The following CRYBG1 variants were observed in gnomAD, a reference collection of about 807,000 sequenced individuals.
CRYBG1 encodes crystallin beta-gamma domain containing 1, also known as beta/gamma crystallin domain-containing protein 1.
CRYBG1 carries 139 observed loss-of-function variants against 189.2 expected under a neutral mutation model. The observed-to-expected ratio is 0.73, with a 90% confidence interval of 0.64 to 0.85. The LOEUF is 0.85. Among genes scored for constraint, CRYBG1 ranks in the 40% least tolerant of loss-of-function variants. The probability of loss-of-function intolerance (pLI) is 0.00; values close to 1 mark genes in which losing one functional copy is unlikely to be tolerated. For synonymous variants in CRYBG1, 1,023 were observed against 1,017.1 expected (o/e 1.01, Z -0.11); for missense variants, 2,611 against 2,675.8 (o/e 0.98, Z 0.53).
At chr6:106,457,217 G>T (rs2114446784) in intron 2 of CRYBG1, 1 of 152,378 alleles carries the variant, frequency 6.6e-6, no homozygotes, top group African/African-American at 2.4e-5. Flanking sequence ...TGCTGGTAGG[G>T]ACTCTCTACA....
intron 2 of CRYBG1, among the ~76,000 whole-genome samples, chr6:106,504,029 GAAAA>G (rs33971164): frequency 2.3e-5 from 2 of 88,550 alleles, no homozygotes; most frequent in Non-Finnish European, 4.5e-5. Context: ...GACAGCATTA[GAAAA>G]AAAAAAAAAA....
At chr6:106,444,620 C>T (rs1310497758) in intron 1 of CRYBG1, among the ~76,000 whole-genome samples, 2 of 152,110 alleles carry the variant, frequency 1.3e-5, no homozygotes, top group East Asian at 1.9e-4. Context: ...TGGAGTGATC[C>T]GAAATCATCA....
intron 1 of CRYBG1, among the ~76,000 whole-genome samples, chr6:106,422,444 C>T (rs1407640574): frequency 6.6e-6 from 1 of 151,830 alleles, no homozygotes; most frequent in African/African-American, 2.4e-5. Flanking sequence ...GTGATCCTGC[C>T]ACCTCAGCCT....
intron 1 of CRYBG1, among the ~76,000 whole-genome samples, chr6:106,445,880 A>G (rs2114428378): frequency 6.6e-6 from 1 of 152,346 alleles, no homozygotes; most frequent in Middle Eastern, 3.4e-3. Flanking sequence ...TAGGTTTTCC[A>G]AGGGAAATAG....
At chr6:106,541,686 A>G (rs775159112) in intron 10 of CRYBG1, 65 bp downstream of exon 10, 5 of 1,082,548 alleles carry the variant, frequency 4.6e-6, no homozygotes, top group Non-Finnish European at 6.8e-6. Context: ...ACACATATAT[A>G]TGTACTTAAT....
At chr6:106,413,221 A>G (rs1047427526) in intron 1 of CRYBG1, among the ~76,000 whole-genome samples, 1 of 152,202 alleles carries the variant, frequency 6.6e-6, no homozygotes, top group South Asian at 2.1e-4. Context: ...AGTATATTTC[A>G]TCTTCCTGGC....
At chr6:106,466,575 C>T (rs975857036) in intron 2 of CRYBG1, among the ~76,000 whole-genome samples, 7 of 151,946 alleles carry the variant, frequency 4.6e-5, no homozygotes, top group Admixed American at 1.3e-4. Context: ...CATACATTAC[C>T]GACAACTTAA....
chr6:106,525,231 TA>T (rs1773712298), intron 5 of CRYBG1, 36 bp from the exon 6 acceptor site: 1 of 1,613,342 alleles, frequency 6.2e-7, no homozygotes, highest in Non-Finnish European at 8.5e-7. Context: ...TCTGACAGAG[TA>T]CAACAAAGTG....
intron 1 of CRYBG1, among the ~76,000 whole-genome samples, chr6:106,446,530 T>C (rs1771667053): frequency 6.6e-6 from 1 of 152,240 alleles, no homozygotes; most frequent in Non-Finnish European, 1.5e-5. Context: ...TAAACTTTTA[T>C]GCTACATTTT....
intron 2 of CRYBG1, among the ~76,000 whole-genome samples, chr6:106,487,479 TTC>T (rs1385512733): frequency 1.3e-5 from 2 of 152,244 alleles, no homozygotes; most frequent in African/African-American, 4.8e-5. Flanking sequence ...TGGTGATGAG[TTC>T]TCTCAGTTTT....
intron 1 of CRYBG1, among the ~76,000 whole-genome samples, chr6:106,375,421 G>GTAAATAAATAAATAAA (rs534278338): frequency 7.2e-5 from 9 of 125,392 alleles, no homozygotes; most frequent in African/African-American, 2.3e-4. Flanking sequence ...AAGTAAGTAA[G>GTAAATAAATAAATAAA]TAAATAAATA....
chr6:106,460,046 G>T (rs1771974195), intron 2 of CRYBG1, among the ~76,000 whole-genome samples: 1 of 151,972 alleles, frequency 6.6e-6, no homozygotes, highest in Non-Finnish European at 1.5e-5. Context: ...GTTTTTTTGA[G>T]ACAGAGTCGC....
chr6:106,421,714 A>T (rs576846879), intron 1 of CRYBG1, among the ~76,000 whole-genome samples: 1 of 152,216 alleles, frequency 6.6e-6, no homozygotes, highest in South Asian at 2.1e-4. Context: ...TGGCATCCAC[A>T]GCTGTATTAG....
At chr6:106,433,902 G>A (rs892881886) in intron 1 of CRYBG1, among the ~76,000 whole-genome samples, 4 of 151,522 alleles carry the variant, frequency 2.6e-5, no homozygotes, top group Non-Finnish European at 4.4e-5. Flanking sequence ...TTAGTGTCTT[G>A]AAACAACAAA....
chr6:106,542,140 A>G (rs1413858449), intron 10 of CRYBG1, among the ~76,000 whole-genome samples: 1 of 149,048 alleles, frequency 6.7e-6, no homozygotes, highest in East Asian at 1.9e-4. Flanking sequence ...GTGTGTGTGT[A>G]TATATTTATT....
intron 1 of CRYBG1, among the ~76,000 whole-genome samples, chr6:106,412,711 A>G (rs1253455622): frequency 6.6e-6 from 1 of 152,232 alleles, no homozygotes; most frequent in East Asian, 1.9e-4. Context: ...GTTGGGAAAC[A>G]TTAAAACAAA....
chr6:106,562,991 C>T (rs1300253547), intron 20 of CRYBG1, among the ~76,000 whole-genome samples: 1 of 151,988 alleles, frequency 6.6e-6, no homozygotes, highest in Non-Finnish European at 1.5e-5. Flanking sequence ...CTATACCTGG[C>T]TAATTTTTAA....
intron 2 of CRYBG1, among the ~76,000 whole-genome samples, chr6:106,467,166 A>G (rs568855864): frequency 6.6e-6 from 1 of 152,330 alleles, no homozygotes; most frequent in South Asian, 2.1e-4. Context: ...GTTCCTGGTA[A>G]CAGATGAAAT....
At position 106,553,546 on chromosome 6, in the gene CRYBG1, C is replaced by G. The variant is rs1774458074; in HGVS notation, c.5564C>G (p.Ser1855Cys). The G allele has an allele frequency of 6.2e-7, 1 of 1,612,794 alleles. No homozygotes were observed. The highest frequency in any genetic ancestry group is 1.1e-5 in the South Asian group (1 of 91,036). Reference sequence around the variant, plus strand: ...ATTGATGATTCATTTTCTACCAAGTCTTGCAGAGTTTCAGGAGGCAGGTAA... The same window carrying G: ...ATTGATGATTCATTTTCTACCAAGTGTTGCAGAGTTTCAGGAGGCAGGTAA... Reference protein sequence around the residue: ...SQIDDSFSTKSCRVSGGSWVV... With the variant: ...SQIDDSFSTKCCRVSGGSWVV... Residue 1855 changes from serine (S) to cysteine (C), a missense_variant, in exon 16 of 22, where the codon TCT (serine) becomes TGT (cysteine). Physicochemically the swap from Ser to Cys is moderately radical, Grantham distance 112 (BLOSUM62 -1). Around this residue, in one of 3 missense-constraint regions of CRYBG1, gnomAD observed 1,622 missense variants for 1,735.0 expected, o/e 0.93. Coordinates refer to ENST00000633556, the MANE Select transcript of CRYBG1 (RefSeq NM_001371242.2).
Sources: allele counts gnomAD v4.1 joint callset (sites outside exome capture counted in the v4.1 genomes callset), GRCh38; gene constraint gnomAD v4.1.1; regional missense constraint gnomAD v4.1.1; transcripts MANE v1.5; gene names NCBI Gene and HGNC (gene_info 2026-07-23, HGNC 2026-07-21).